The following ZC3H13 variants were observed in gnomAD, a reference collection of about 807,000 sequenced individuals.
The protein encoded by ZC3H13 is zinc finger CCCH-type containing 13.
In ZC3H13, 64 loss-of-function variants were observed where a neutral mutation model predicts 204.1. The observed-to-expected ratio is 0.31, with a 90% confidence interval of 0.26 to 0.39. The LOEUF is 0.39. Ranked by LOEUF, ZC3H13 falls within the 10% of genes least tolerant of loss-of-function variation. The pLI is 1.00. For missense variants in ZC3H13, 1,833 were observed against 2,082.7 expected (o/e 0.88, Z 2.33); for synonymous variants, 667 against 693.7 (o/e 0.96, Z 0.60).
intron 4 of ZC3H13, among the ~76,000 whole-genome samples, chr13:46,038,892 CG>C (rs2043382151): frequency 1.3e-5 from 2 of 152,136 alleles, no homozygotes; most frequent in East Asian, 3.9e-4. Flanking sequence ...CGTGGTGGCA[CG>C]CACCTGTAAT....
intron 14 of ZC3H13, among the ~76,000 whole-genome samples, 173 bp from the exon 15 acceptor site, chr13:45,968,201 A>C (rs1952253748): frequency 6.6e-6 from 1 of 152,038 alleles, no homozygotes; most frequent in Non-Finnish European, 1.5e-5. Context: ...CTACATATAC[A>C]TTTCTCTCTA....
intron 8 of ZC3H13, among the ~76,000 whole-genome samples, chr13:45,990,955 C>T (rs2039928955): frequency 6.6e-6 from 1 of 152,136 alleles, no homozygotes; most frequent in Admixed American, 6.5e-5. Context: ...AGGCACATGC[C>T]ACCACACTCA....
chr13:46,015,910 CAT>C (rs962691699), intron 5 of ZC3H13, among the ~76,000 whole-genome samples: 4 of 151,138 alleles, frequency 2.6e-5, no homozygotes, highest in African/African-American at 7.3e-5. Context: ...ATCCAGAAAA[CAT>C]AAAGAATTCC....
chr13:45,958,408 T>C, intron 18 of ZC3H13, among the ~76,000 whole-genome samples: 1 of 152,198 alleles, frequency 6.6e-6, no homozygotes, highest in East Asian at 1.9e-4. Context: ...GGTTGAGTAG[T>C]CCTCAACTGA....
chr13:46,023,104 A>T (rs1029787279), intron 4 of ZC3H13, among the ~76,000 whole-genome samples: 1 of 152,194 alleles, frequency 6.6e-6, no homozygotes, highest in African/African-American at 2.4e-5. Flanking sequence ...CAAGGCTAAG[A>T]GAGTTGAGAA....
intron 11 of ZC3H13, 41 bp downstream of exon 11, chr13:45,979,772 T>C (rs187972476): frequency 4.6e-6 from 7 of 1,507,336 alleles, no homozygotes; most frequent in Admixed American, 4.7e-5. Context: ...ATTCGCCCAA[T>C]TGATATTGTT....
In ZC3H13 at chr13:46,020,473, C is replaced by T. The variant is rs142122681; in HGVS notation, c.424G>A (p.Val142Ile). 1.5e-4 allele frequency: 239 copies of T among 1,610,052 alleles called. No homozygotes were observed. Among genetic ancestry groups the T allele is most frequent in the Non-Finnish European group, 2.0e-4 (230 of 1,178,198 alleles). Residue 142 changes from valine (V) to isoleucine (I), a missense_variant, in exon 5 of 19, where the codon GTA becomes ATA. Val to Ile is a conservative substitution (Grantham distance 29). Around this residue, in one of 5 missense-constraint regions of ZC3H13, gnomAD observed 1,574 missense variants for 1,757.2 expected, o/e 0.90. Transcript: ENST00000679008. ...CCATCTCTATTAGTTTCCCATTCTA[C>T]ATTTTCTTCTTCACTTTCTGGAGTT... ...ERTPESEEEN[V>I]EWETNRDDSD...
At chr13:45,978,875 GC>G (rs1953301114) in intron 11 of ZC3H13, among the ~76,000 whole-genome samples, 1 of 151,950 alleles carries the variant, frequency 6.6e-6, no homozygotes, top group African/African-American at 2.4e-5. Context: ...TAACCAAAAT[GC>G]ATTAGGCTTA....
At chr13:45,983,413 A>ATATATATATATT (rs1555277663) in intron 10 of ZC3H13, among the ~76,000 whole-genome samples, 2 of 31,132 alleles carry the variant, frequency 6.4e-5, no homozygotes, top group Admixed American at 1.1e-3. Flanking sequence ...ATATATATAT[A>ATATATATATATT]TTTTTTTTTT....
chr13:45,959,481 A>T lies in ZC3H13; in HGVS notation c.4839+2T>A. On this transcript the variant is annotated splice_donor_variant, in intron 18 of 18. Transcript: ENST00000679008. LOFTEE classifies it high-confidence loss of function. ...GTATTTTTTCCAAGGAAATAACAGT[A>T]CCTTCTCATTTTTAACAAGCTGCTT... 1 of 1,538,770 alleles carries T rather than the reference A, an allele frequency of 6.5e-7. No individual in the cohort carries two copies. Among genetic ancestry groups the T allele is most frequent in the Non-Finnish European group, 8.8e-7 (1 of 1,142,606 alleles).
In ZC3H13 at chr13:46,011,511, C is replaced by T. The variant is rs747227700; in HGVS notation, c.492G>A (p.Leu164=). ...GDINYDYVHE[L]SLEMKRQKIQ... is the part of the protein sequence containing the mutation. ...TCTTCTGACGCTTCATTTCCAATGA[C>T]AATTCATGAACATAATCATAATTAA... Residue 164 remains leucine (L), a synonymous_variant, in exon 6 of 19, where the codon TTG becomes TTA. Transcript: ENST00000679008. The T allele has an allele frequency of 1.4e-5, 23 of 1,599,034 alleles. No individual in the cohort carries two copies. The highest frequency in any genetic ancestry group is 1.7e-4 in the Middle Eastern group (1 of 6,040).
chr13:46,008,215 A>T (rs372674765), intron 7 of ZC3H13, among the ~76,000 whole-genome samples: 8 of 151,840 alleles, frequency 5.3e-5, no homozygotes, highest in African/African-American at 1.7e-4. Context: ...TAATCCTTAC[A>T]TGTGCTTAGT....
At position 45,961,864 on chromosome 13, in the gene ZC3H13, A is replaced by C. The variant is rs967679983; in HGVS notation, c.4675+1978T>G. On this transcript the variant is annotated intron_variant, in intron 17 of 18. Coordinates refer to ENST00000679008, the MANE Select transcript of ZC3H13 (RefSeq NM_001330564.2). ...ACCCCACAAATATATACACCCACTA[A>C]GTACCCATGAAAATTAAAAATTAAA... is the stretch of plus-strand genomic sequence containing the variant. Among the ~76,000 whole-genome samples, 13 of 152,236 alleles carry C rather than the reference A, an allele frequency of 8.5e-5. No homozygotes were observed. The East Asian group carries it at 1.9e-3, about 23-fold the overall frequency.
chr13:46,041,483 T>C (rs963456135), intron 4 of ZC3H13, among the ~76,000 whole-genome samples: 3 of 152,080 alleles, frequency 2.0e-5, no homozygotes, highest in African/African-American at 7.2e-5. Flanking sequence ...ATTCTAAAAT[T>C]GACTGTGATG....
chr13:45,980,719 G>A (rs1571053), intron 10 of ZC3H13, among the ~76,000 whole-genome samples: 113,668 of 151,682 alleles, frequency 0.75, 43,070 homozygotes, highest in African/African-American at 0.85. Context: ...TACAAAACAA[G>A]GGACACATAA....
chr13:46,019,942 A>T (rs780261181), intron 5 of ZC3H13, among the ~76,000 whole-genome samples: 3 of 152,194 alleles, frequency 2.0e-5, no homozygotes, highest in Non-Finnish European at 2.9e-5. Context: ...TGGGTGACAC[A>T]GTGAGAGCAT....
intron 1 of ZC3H13, among the ~76,000 whole-genome samples, chr13:46,049,139 A>C (rs908240821): frequency 4.8e-5 from 7 of 144,830 alleles, no homozygotes; most frequent in Admixed American, 1.4e-4. Flanking sequence ...CAACAGAGGG[A>C]GACTCCGTCT....
At chr13:45,993,940 T>C (rs1031128039) in intron 8 of ZC3H13, among the ~76,000 whole-genome samples, 1 of 152,210 alleles carries the variant, frequency 6.6e-6, no homozygotes, top group Admixed American at 6.5e-5. Flanking sequence ...ACTAAGGTAC[T>C]AATAATTTTG....
intron 11 of ZC3H13, among the ~76,000 whole-genome samples, chr13:45,978,835 T>C (rs1306719523): frequency 6.6e-6 from 1 of 152,046 alleles, no homozygotes; most frequent in Non-Finnish European, 1.5e-5. Context: ...TCCAGCCCTA[T>C]CTGTAACTAA....
Sources: allele counts gnomAD v4.1 joint callset (sites outside exome capture counted in the v4.1 genomes callset), GRCh38; gene constraint gnomAD v4.1.1; regional missense constraint gnomAD v4.1.1; transcripts MANE v1.5; gene names NCBI Gene and HGNC (gene_info 2026-07-23, HGNC 2026-07-21).